NEU3: variants seen among roughly 807,000 people sequenced by gnomAD.
NEU3 encodes the protein neuraminidase 3.
A neutral mutation model predicts 11.4 loss-of-function variants in NEU3; 10 were observed. That is an observed-to-expected ratio of 0.88 (90% CI 0.54 to 1.49). NEU3 has a LOEUF of 1.49. Among genes scored for constraint, NEU3 ranks in the 40% most tolerant of loss-of-function variants. The pLI is 0.00. For missense variants in NEU3, 529 were observed against 581.8 expected (o/e 0.91, Z 0.93); for synonymous variants, 212 against 228.2 (o/e 0.93, Z 0.64).
upstream of NEU3, among the ~76,000 whole-genome samples, chr11:74,987,875 T>C (rs567249796): frequency 2.5e-3 from 361 of 145,734 alleles, 1 homozygote; most frequent in Admixed American, 4.2e-3. Flanking sequence ...AGTTGGTCTC[T>C]GGTTCTAGGC....
At chr11:74,982,977 G>T in the NEU3 span, among the ~76,000 whole-genome samples, 10 of 152,026 alleles carry the variant, frequency 6.6e-5, no homozygotes, top group Non-Finnish European at 1.2e-4. Flanking sequence ...ATCTTAAACT[G>T]CTTGGTTTGG....
chr11:74,985,734 A>G (rs193101349), upstream of NEU3, among the ~76,000 whole-genome samples: 26 of 152,352 alleles, frequency 1.7e-4, no homozygotes, highest in Middle Eastern at 3.4e-3. Context: ...TCTTCCTCCC[A>G]TGAGGGATTG....
chr11:74,991,826 C>T (rs1471816305), intron 1 of NEU3, among the ~76,000 whole-genome samples: 1 of 152,202 alleles, frequency 6.6e-6, no homozygotes, highest in African/African-American at 2.4e-5. Flanking sequence ...AGATCTGGCT[C>T]ACTGATTCAT....
chr11:74,994,899 T>G (rs1162278142), intron 2 of NEU3, 179 bp downstream of exon 2: 1 of 707,688 alleles, frequency 1.4e-6, no homozygotes, highest in Non-Finnish European at 2.6e-6. Context: ...AGGGGCACAT[T>G]GGGTCCTCAC....
chr11:74,993,688 T>G (rs976121503), intron 1 of NEU3, among the ~76,000 whole-genome samples: 1 of 152,146 alleles, frequency 6.6e-6, no homozygotes, highest in African/African-American at 2.4e-5. Context: ...AAAAGAAATT[T>G]CTTGCAGTTA....
downstream of NEU3, among the ~76,000 whole-genome samples, chr11:75,013,976 C>A (rs1319664705): frequency 6.6e-6 from 1 of 152,164 alleles, no homozygotes; most frequent in East Asian, 1.9e-4. Flanking sequence ...GGTGGACATT[C>A]AGCAGCTGGT....
At position 74,988,957 on chromosome 11, in the gene NEU3, G is replaced by T; in HGVS notation, c.-104G>T. 2.3e-6 allele frequency: 2 copies of T among 869,702 alleles called. No homozygotes were observed. The highest frequency in any genetic ancestry group is 1.5e-5 in the South Asian group (1 of 66,720). 53.9% of individuals were successfully genotyped at this position (869,702 alleles called of 1,614,324 possible). A position where few individuals can be genotyped will look rare whatever the true frequency, so the allele number is the denominator to read the frequency against. On this transcript the variant is annotated 5_prime_UTR_variant, in exon 1 of 3. Coordinates refer to ENST00000294064, the MANE Select transcript of NEU3 (RefSeq NM_006656.6). ...CAGTCGACACGCTCTTCGCTTCTCGGGGCTTGTCTCCGTGTCCTCCGTCTC... is the reference window on the plus strand; with the variant it reads ...CAGTCGACACGCTCTTCGCTTCTCGTGGCTTGTCTCCGTGTCCTCCGTCTC...
the NEU3 span, among the ~76,000 whole-genome samples, chr11:74,982,726 A>G: frequency 6.6e-6 from 1 of 152,168 alleles, no homozygotes; most frequent in Admixed American, 6.5e-5. Context: ...GCAGATCTAC[A>G]ATAGCATGCA....
At chr11:74,991,978 C>T (rs61896305) in intron 1 of NEU3, among the ~76,000 whole-genome samples, 6,060 of 152,220 alleles carry the variant, frequency 0.04, 168 homozygotes, top group Non-Finnish European at 0.059. Context: ...ACAAATGTAA[C>T]ATAGGAGGCA....
intron 2 of NEU3, chr11:75,004,415 G>C: frequency 2.1e-6 from 1 of 481,800 alleles, no homozygotes; most frequent in Non-Finnish European, 3.7e-6. Context: ...TGTCAGTTTC[G>C]TTTTAATTTG....
At chr11:75,010,910 A>G (rs1170523747), downstream of NEU3, 1 of 151,312 alleles carries the variant, frequency 6.6e-6, no homozygotes, top group South Asian at 2.1e-4. Flanking sequence ...TCTGGTGACT[A>G]TTGTTTTTTT....
chr11:74,986,381 G>C (rs1013797664), upstream of NEU3, among the ~76,000 whole-genome samples: 1 of 152,160 alleles, frequency 6.6e-6, no homozygotes, highest in Admixed American at 6.5e-5. Flanking sequence ...CCTCTAAAGC[G>C]ACTGTACCAA....
chr11:75,016,717 T>C (rs1257859619), intron 3 of NEU3, among the ~76,000 whole-genome samples: 1 of 152,182 alleles, frequency 6.6e-6, no homozygotes, highest in African/African-American at 2.4e-5. Flanking sequence ...GATGCACTCC[T>C]TTCATTTGGC....
Position 75,005,976 on chromosome 11 carries a change from T to C in NEU3, c.870T>C (p.Thr290=), listed in dbSNP as rs765305268. ...GGTGCCGGGCAGAGGCGCTCAGCACTGACCATGGTGAAGGCTTTCAGAGAC... is the reference window on the plus strand; with the variant it reads ...GGTGCCGGGCAGAGGCGCTCAGCACCGACCATGGTGAAGGCTTTCAGAGAC... ...PNRCRAEALS[T]DHGEGFQRLA... Residue 290 remains threonine, a synonymous_variant, in exon 3 of 3, where the codon ACT becomes ACC. Transcript: ENST00000294064. The C allele has an allele frequency of 1.9e-6, 3 of 1,613,958 alleles. No homozygotes were observed. The Admixed American group carries it at 5.0e-5, about 27-fold the overall frequency.
At chr11:75,017,725 C>G (rs1208806669) in intron 3 of NEU3, among the ~76,000 whole-genome samples, 1 of 152,150 alleles carries the variant, frequency 6.6e-6, no homozygotes, top group Non-Finnish European at 1.5e-5. Context: ...GAGTTCTCCT[C>G]TCTCAGGGCT....
chr11:74,982,444 C>G, the NEU3 span, among the ~76,000 whole-genome samples: 1 of 152,178 alleles, frequency 6.6e-6, no homozygotes, highest in Non-Finnish European at 1.5e-5. Context: ...GAAGAAAATA[C>G]ATGCAGGAAC....
At chr11:74,998,786 T>A (rs139234065) in intron 2 of NEU3, among the ~76,000 whole-genome samples, 95 of 152,342 alleles carry the variant, frequency 6.2e-4, no homozygotes, top group African/African-American at 2.2e-3. Context: ...CTCTTTCACC[T>A]TATCTTCTCA....
intron 2 of NEU3, among the ~76,000 whole-genome samples, chr11:74,997,080 G>A (rs1003973357): frequency 6.6e-6 from 1 of 151,852 alleles, no homozygotes; most frequent in Admixed American, 6.6e-5. Context: ...TCACCAGCCC[G>A]TCCTTTGAAG....
Position 75,006,607 on chromosome 11 carries a change from C to A in NEU3, c.*115C>A. ...TAATATTCTGTTCCCTACCTTTTTTCACTTTTCCTCCTCCAAAGAGCAAAA... is the reference window on the plus strand; with the variant it reads ...TAATATTCTGTTCCCTACCTTTTTTAACTTTTCCTCCTCCAAAGAGCAAAA... On this transcript the variant is annotated 3_prime_UTR_variant, in exon 3 of 3. Transcript: ENST00000294064. 2.3e-6 allele frequency: 3 copies of A among 1,283,568 alleles called. No homozygotes were observed. The highest frequency in any genetic ancestry group is 3.1e-6 in the Non-Finnish European group (3 of 958,736). The allele number at this position is 1,283,568 out of a possible 1,614,324, so 79.5% of individuals were successfully genotyped here. A position where few individuals can be genotyped will look rare whatever the true frequency, so the allele number is the denominator to read the frequency against.
Sources: allele counts gnomAD v4.1 joint callset (sites outside exome capture counted in the v4.1 genomes callset), GRCh38; gene constraint gnomAD v4.1.1; transcripts MANE v1.5; gene names NCBI Gene and HGNC (gene_info 2026-07-23, HGNC 2026-07-21).